The following FSHR variants were observed in gnomAD, a reference collection of about 807,000 sequenced individuals.
FSHR encodes follicle stimulating hormone receptor, also known as follicle-stimulating hormone receptor.
Under a neutral mutation model 52.1 loss-of-function variants are expected in FSHR, and 46 were observed. The observed-to-expected ratio is 0.88, with a 90% CI of 0.70 to 1.13. FSHR has a LOEUF of 1.13. Among genes scored for constraint, FSHR ranks in the 50% most tolerant of loss-of-function variants. The pLI is 0.00. For missense variants in FSHR, 964 were observed against 834.6 expected (o/e 1.16, Z -1.91); for synonymous variants, 399 against 309.6 (o/e 1.29, Z -3.03).
intron 8 of FSHR, among the ~76,000 whole-genome samples, chr2:48,980,208 G>A (rs1675185052): frequency 6.6e-6 from 1 of 152,212 alleles, no homozygotes; most frequent in African/African-American, 2.4e-5. Context: ...CTTCCAGCCA[G>A]GATCCTGCAC....
intron 1 of FSHR, among the ~76,000 whole-genome samples, chr2:49,152,368 A>T (rs1260365811): frequency 1.3e-5 from 2 of 152,076 alleles, no homozygotes; most frequent in African/African-American, 2.4e-5. Context: ...TTGGCCAGAG[A>T]TGTGTTTTAG....
In FSHR at chr2:48,963,523, G is replaced by C. The variant is rs763676828; in HGVS notation, c.1298C>G (p.Ala433Gly). The change falls in exon 10 of 10, where the codon GCC (alanine) becomes GGC (glycine). Residue 433 changes from alanine to glycine, a missense_variant. Physicochemically the swap from Ala to Gly is moderately conservative, Grantham distance 60 (BLOSUM62 0). Transcript: ENST00000406846. ...IHTKSQYHNY[A>G]IDWQTGAGCD... ...GCCTGCCCCAGTTTGCCAGTCAATG[G>C]CATAGTTGTGATATTGGCTCTTGGT... 6.2e-7 allele frequency: 1 copy of C among 1,614,088 alleles called. No individual in the cohort carries two copies. Among genetic ancestry groups the C allele is most frequent in the African/African-American group, 1.3e-5 (1 of 74,944 alleles).
Position 48,963,100 on chromosome 2 carries a change from A to G in FSHR, c.1721T>C (p.Met574Thr). Residue 574 changes from methionine (M) to threonine (T), a missense_variant, in exon 10 of 10, where the codon ATG becomes ACG. Physicochemically the swap from Met to Thr is moderately conservative, Grantham distance 81 (BLOSUM62 -1). Coordinates refer to ENST00000406846, the MANE Select transcript of FSHR (RefSeq NM_000145.4). ...SSSDTRIAKR[M>T]AMLIFTDFLC... Reference sequence around the variant, plus strand: ...GAAGTCAGTGAAGATGAGCATGGCCATGCGCTTGGCGATCCTGGTGTCACT... The same window carrying G: ...GAAGTCAGTGAAGATGAGCATGGCCGTGCGCTTGGCGATCCTGGTGTCACT... 1 of 1,614,122 alleles carries G rather than the reference A, an allele frequency of 6.2e-7. No homozygotes were observed. Among genetic ancestry groups the G allele is most frequent in the African/African-American group, 1.3e-5 (1 of 75,048 alleles).
intron 1 of FSHR, among the ~76,000 whole-genome samples, chr2:49,073,365 G>A (rs1204152127): frequency 6.6e-6 from 1 of 151,928 alleles, no homozygotes; most frequent in African/African-American, 2.4e-5. Flanking sequence ...GTAAAGTTGT[G>A]GGATAAATTA....
In FSHR at chr2:49,151,141, C is replaced by CTTTTTT. The variant is rs200436300; in HGVS notation, c.152+3119_152+3124dup. Among the ~76,000 whole-genome samples, 7 of 114,994 alleles carry CTTTTTT rather than the reference C, an allele frequency of 6.1e-5. No individual in the cohort carries two copies. The South Asian group carries it at 1.1e-3, about 19-fold the overall frequency. The allele number at this position is 114,994 out of a possible 152,430, so 75.4% of individuals were successfully genotyped here. On this transcript the variant is annotated intron_variant, in intron 1 of 9. Coordinates refer to ENST00000406846, the MANE Select transcript of FSHR (RefSeq NM_000145.4). ...CTGGTTTAAAATGTAAAGGATTACTCTTTTTTTTTTTTTTTTTTCAGAATA... is the reference window on the plus strand; with the variant it reads ...CTGGTTTAAAATGTAAAGGATTACTCTTTTTTTTTTTTTTTTTTTTTTTTCAGAATA...
At chr2:49,055,749 T>C (rs192370076) in intron 2 of FSHR, among the ~76,000 whole-genome samples, 2 of 151,844 alleles carry the variant, frequency 1.3e-5, no homozygotes, top group Non-Finnish European at 2.9e-5. Flanking sequence ...GAGAATAGGA[T>C]GATATATTCA....
At chr2:49,127,833 TTC>T (rs1672094725) in intron 1 of FSHR, among the ~76,000 whole-genome samples, 1 of 6,966 alleles carries the variant, frequency 1.4e-4, no homozygotes, top group African/African-American at 1.2e-3. Flanking sequence ...CTTCTTCCTC[TTC>T]TTCTTCTTCT....
chr2:49,153,866 C>T (rs933213946), intron 1 of FSHR, among the ~76,000 whole-genome samples: 1 of 152,110 alleles, frequency 6.6e-6, no homozygotes, highest in Non-Finnish European at 1.5e-5. Context: ...GGGAGACATA[C>T]CTTGTGTATT....
intron 8 of FSHR, among the ~76,000 whole-genome samples, chr2:48,979,102 T>C (rs1299638251): frequency 3.7e-4 from 57 of 152,046 alleles, no homozygotes; most frequent in Non-Finnish European, 4.4e-5. Context: ...AGGAAGATGT[T>C]AGAGATACAA....
chr2:49,002,438 G>A (rs1666929160), intron 4 of FSHR, among the ~76,000 whole-genome samples: 1 of 152,036 alleles, frequency 6.6e-6, no homozygotes, highest in African/African-American at 2.4e-5. Flanking sequence ...CTGAGATTGG[G>A]TAACTTATAA....
chr2:49,009,840 G>C (rs1220932995), intron 4 of FSHR, among the ~76,000 whole-genome samples: 2 of 105,060 alleles, frequency 1.9e-5, no homozygotes, highest in Non-Finnish European at 4.6e-5. Flanking sequence ...TCTGTTGCTG[G>C]TGTATAAGAA....
intron 2 of FSHR, among the ~76,000 whole-genome samples, chr2:49,053,689 A>G (rs2104307393): frequency 6.6e-6 from 1 of 152,268 alleles, no homozygotes; most frequent in South Asian, 2.1e-4. Flanking sequence ...CTGGTTCTTA[A>G]AAAAAAGAAA....
intron 1 of FSHR, among the ~76,000 whole-genome samples, chr2:49,132,750 C>A (rs1672329180): frequency 6.6e-6 from 1 of 151,884 alleles, no homozygotes; most frequent in African/African-American, 2.4e-5. Flanking sequence ...CTTCTTTCAA[C>A]CACAACCCAC....
intron 1 of FSHR, among the ~76,000 whole-genome samples, chr2:49,083,228 T>A (rs865935723): frequency 6.7e-6 from 1 of 149,458 alleles, no homozygotes; most frequent in African/African-American, 2.5e-5. Flanking sequence ...ACCCAGAATT[T>A]CATATCCAGC....
chr2:49,067,975 C>T (rs1177902155), intron 2 of FSHR, among the ~76,000 whole-genome samples: 3 of 151,318 alleles, frequency 2.0e-5, no homozygotes, highest in Non-Finnish European at 2.9e-5. Flanking sequence ...GGGAGCAACC[C>T]CTTATTTGAG....
chr2:49,150,182 T>C (rs1673011130), intron 1 of FSHR, among the ~76,000 whole-genome samples: 1 of 152,032 alleles, frequency 6.6e-6, no homozygotes, highest in Non-Finnish European at 1.5e-5. Flanking sequence ...CCTTTGACTA[T>C]AGTCAGAATG....
At chr2:49,018,632 G>A (rs995213626) in intron 3 of FSHR, among the ~76,000 whole-genome samples, 6 of 152,160 alleles carry the variant, frequency 3.9e-5, no homozygotes, top group Non-Finnish European at 8.8e-5. Flanking sequence ...ATGTCTGTGG[G>A]TTCTTCCCAA....
At chr2:48,972,362 C>A (rs1030274295) in intron 8 of FSHR, among the ~76,000 whole-genome samples, 2 of 152,156 alleles carry the variant, frequency 1.3e-5, no homozygotes, top group Non-Finnish European at 1.5e-5. Context: ...TAGCTCCCTC[C>A]CTATTATGAT....
chr2:48,969,874 G>A (rs1277729678), intron 8 of FSHR, among the ~76,000 whole-genome samples: 1 of 152,188 alleles, frequency 6.6e-6, no homozygotes, highest in Non-Finnish European at 1.5e-5. Context: ...ACCAAGACCG[G>A]CTGGTGAGAA....
Sources: gnomAD v4.1 joint callset for allele counts (sites outside exome capture counted in the v4.1 genomes callset) on GRCh38, gnomAD v4.1.1 for gene constraint, MANE v1.5 for transcripts, NCBI Gene and HGNC (gene_info 2026-07-23, HGNC 2026-07-21) for gene names.